The following NBPF12 variants were observed in gnomAD, a reference collection of about 807,000 sequenced individuals.
The protein encoded by NBPF12 is NBPF family member NBPF12.
Under a neutral mutation model 146.4 loss-of-function variants are expected in NBPF12, and 115 were observed. The ratio of observed to expected loss-of-function variants is 0.79; its 90% confidence interval spans 0.68 to 0.92. The LOEUF (loss-of-function observed/expected upper bound fraction) is 0.92, where lower values mean the gene tolerates loss of function less well. NBPF12 is among the 40% of genes least tolerant of loss of function. NBPF12 has a pLI of 0.00. For missense variants in NBPF12, 1,205 were observed against 1,326.8 expected, an observed-to-expected ratio of 0.91 and a Z score of 1.43; for synonymous variants, 385 against 508.9, an observed-to-expected ratio of 0.76 and a Z score of 3.28.
intron 19 of NBPF12, among the ~76,000 whole-genome samples, chr1:146,982,691 G>C (rs1180817126): frequency 1.3e-5 from 2 of 150,372 alleles, no homozygotes; most frequent in African/African-American, 4.9e-5. Flanking sequence ...TGGGTGCCCT[G>C]AGTTGGCTCA....
intron 2 of NBPF12, chr1:146,957,507 G>C (rs1479183164): frequency 5.7e-6 from 1 of 174,494 alleles, no homozygotes; most frequent in African/African-American, 2.5e-5. Context: ...TCATGACAAA[G>C]CTTGACCAGT....
chr1:146,961,912 G>A (rs1370805105), intron 4 of NBPF12, among the ~76,000 whole-genome samples: 1 of 152,126 alleles, frequency 6.6e-6, no homozygotes, highest in Non-Finnish European at 1.5e-5. Flanking sequence ...TCCACTTCGT[G>A]GTGGTTGAAT....
At chr1:146,984,969 G>C (rs1657662106) in exon 22 of NBPF12, 2 of 1,381,228 alleles carry the variant, frequency 1.4e-6, no homozygotes, top group Non-Finnish European at 1.0e-6. Flanking sequence ...GTGTTGGCTT[G>C]GCTGTTGACA....
chr1:146,954,605 G>A (rs1326260654), intron 2 of NBPF12, among the ~76,000 whole-genome samples: 11 of 149,866 alleles, frequency 7.3e-5, no homozygotes, highest in Admixed American at 2.0e-4. Context: ...AATTCCAAGC[G>A]GCATTTTGGT....
At chr1:146,938,324 G>A (rs1160765831), upstream of NBPF12, among the ~76,000 whole-genome samples, 5 of 152,272 alleles carry the variant, frequency 3.3e-5, no homozygotes, top group African/African-American at 7.2e-5. Context: ...GGCGGAGCCC[G>A]GAAGTCAGAC....
intron 19 of NBPF12, among the ~76,000 whole-genome samples, chr1:146,980,183 C>G (rs2101898876): frequency 6.6e-6 from 1 of 152,146 alleles, no homozygotes; most frequent in East Asian, 1.9e-4. Context: ...CTTCCTCCAT[C>G]CCTTTATTTT....
At chr1:146,946,408 C>T (rs1175628941), upstream of NBPF12, among the ~76,000 whole-genome samples, 21 of 149,290 alleles carry the variant, frequency 1.4e-4, no homozygotes, top group Non-Finnish European at 2.1e-4. Context: ...GGTGATATCT[C>T]GTTGTTTTAA....
At chr1:146,966,387 C>G in intron 8 of NBPF12, 77 bp from the exon 12 acceptor site, 1 of 1,190,966 alleles carries the variant, frequency 8.4e-7, no homozygotes, top group Non-Finnish European at 1.3e-6. Context: ...CTGCCAGTGA[C>G]ATCCCTCAGT....
rs1329012309 is a variant in NBPF12 at position 146,973,638 on chromosome 1, A to C, written c.1801+678A>C. Among the ~76,000 whole-genome samples, 3 of 149,344 alleles carry C rather than the reference A, an allele frequency of 2.0e-5. No homozygotes were observed. In the East Asian group the frequency reaches 5.8e-4, roughly 29 times the overall value. On this transcript the variant is annotated intron_variant, in intron 14 of 33. Coordinates refer to ENST00000617844, the Ensembl canonical transcript of NBPF12. ...CCCCATCTCCACTAAAAATACAAAA[A>C]GTAGATGGGCATGGTGGCAGGTGAC...
At chr1:146,970,254 G>C (rs1227300960) in intron 11 of NBPF12, among the ~76,000 whole-genome samples, 25 of 150,160 alleles carry the variant, frequency 1.7e-4, no homozygotes, top group Non-Finnish European at 1.8e-4. Context: ...AGAGGACTGT[G>C]GGACAAGTTT....
rs1233642987 is a variant in NBPF12 at position 146,968,614 on chromosome 1, C to T, written c.1091+64C>T. On this transcript the variant is annotated intron_variant, in intron 10 of 33. Transcript: ENST00000617844. Reference sequence around the variant, plus strand: ...TGTAAATCTCTGAAGTACAACAGCTCGGTGGGGAGACTTAAGAGCTAAGCT... The same window carrying T: ...TGTAAATCTCTGAAGTACAACAGCTTGGTGGGGAGACTTAAGAGCTAAGCT... 73 of 1,487,530 alleles carry T rather than the reference C, an allele frequency of 4.9e-5. 1 individual carries two copies. Among genetic ancestry groups the T allele is most frequent in the Middle Eastern group, 2.3e-4 (1 of 4,284 alleles). The allele number at this position is 1,487,530 out of a possible 1,614,324, so 92.1% of individuals were successfully genotyped here.
At chr1:146,955,957 C>G (rs1424865574) in intron 2 of NBPF12, among the ~76,000 whole-genome samples, 1 of 150,810 alleles carries the variant, frequency 6.6e-6, no homozygotes, top group Non-Finnish European at 1.5e-5. Flanking sequence ...TTGTTACATT[C>G]CAGCCTTTGT....
exon 8 of NBPF12, chr1:146,965,011 A>T: frequency 6.2e-7 from 1 of 1,608,504 alleles, no homozygotes; most frequent in Non-Finnish European, 8.5e-7. Flanking sequence ...GAACATCAAA[A>T]TCACATTTGA....
chr1:146,960,244 A>C, exon 4 of NBPF12: 1 of 1,368,110 alleles, frequency 7.3e-7, no homozygotes, highest in Non-Finnish European at 1.0e-6. Flanking sequence ...AACAAACAGC[A>C]GTTCAGAAAC....
chr1:146,942,511 T>G (rs1654853145), intron 1 of NBPF12, among the ~76,000 whole-genome samples: 1 of 151,632 alleles, frequency 6.6e-6, no homozygotes, highest in Admixed American at 6.6e-5. Context: ...AGATATTGAA[T>G]AAATATTTGT....
rs1387757672 is a variant in NBPF12 at position 146,966,616 on chromosome 1, G to T, written c.931G>T (p.Glu311Ter). 20 of 1,505,758 alleles carry T rather than the reference G, an allele frequency of 1.3e-5. No individual in the cohort carries two copies. The highest frequency in any genetic ancestry group is 1.8e-5 in the Non-Finnish European group (19 of 1,084,130). 93.3% of individuals were successfully genotyped at this position (1,505,758 alleles called of 1,614,324 possible). Residue 311 changes from glutamate (E) to a stop codon, truncating the protein, a stop_gained, in exon 9 of 34, where the codon GAG (glutamate) becomes TAG (stop). Coordinates refer to ENST00000617844, the Ensembl canonical transcript of NBPF12. LOFTEE classifies it high-confidence loss of function. ...GAAACAGCAGTTCAGAAGCCTCAAA[G>T]AGAAATGTTTTGTAACTCAACTGGC...
chr1:146,964,597 C>T (rs1553885285), intron 7 of NBPF12, among the ~76,000 whole-genome samples, 168 bp downstream of exon 10: 1 of 151,846 alleles, frequency 6.6e-6, no homozygotes, highest in Non-Finnish European at 1.5e-5. Context: ...TCATGTTTCT[C>T]TATGTGTGCC....
chr1:146,994,635 G>C, exon 34 of NBPF12: 1 of 1,585,280 alleles, frequency 6.3e-7, no homozygotes, highest in Non-Finnish European at 8.6e-7. Context: ...GGCACCTGAA[G>C]ATTTGAATGA....
At chr1:146,981,294 A>AT (rs1553887974) in intron 19 of NBPF12, among the ~76,000 whole-genome samples, 6,793 of 89,948 alleles carry the variant, frequency 0.076, 307 homozygotes, top group East Asian at 0.23. Flanking sequence ...AAAAAAAAAA[A>AT]ATATATATAT....
Sources: gnomAD v4.1 joint callset for allele counts (sites outside exome capture counted in the v4.1 genomes callset) on GRCh38, gnomAD v4.1.1 for gene constraint, MANE v1.5 for transcripts, NCBI Gene and HGNC (gene_info 2026-07-23, HGNC 2026-07-21) for gene names.